GRID2IP: variants seen among roughly 807,000 people sequenced by gnomAD.
GRID2IP encodes delphilin.
Under a neutral mutation model 114.3 loss-of-function variants are expected in GRID2IP, and 78 were observed. That is an observed-to-expected ratio of 0.68 (90% confidence interval 0.57 to 0.82). GRID2IP has a LOEUF of 0.82. GRID2IP is among the 40% of genes least tolerant of loss of function. The pLI is 0.00. For missense variants in GRID2IP, 1,727 were observed against 1,678.5 expected (o/e 1.03, Z -0.51); for synonymous variants, 809 against 724.0 (o/e 1.12, Z -1.89).
chr7:6,505,855 T>G lies in GRID2IP; in HGVS notation c.2597A>C (p.Asp866Ala). The change falls in exon 14 of 22, where the codon GAC becomes GCC. Residue 866 changes from aspartate to alanine, a missense_variant. Transcript: ENST00000457091. ...CTGGGTGCCGAAGTGGAGCTCCAGG[T>G]CGAGGTATTTCACCATGTCACTCAG... is the stretch of plus-strand genomic sequence containing the variant. ...DKLSDMVKYL[D>A]LELHFGTQKP... 1 of 1,552,106 alleles carries G rather than the reference T, an allele frequency of 6.4e-7. No homozygotes were observed. Among genetic ancestry groups the G allele is most frequent in the Non-Finnish European group, 8.7e-7 (1 of 1,147,052 alleles).
rs1192082551 is a variant in GRID2IP at position 6,521,421 on chromosome 7, G to A, written c.1084+8C>T. On this transcript the variant is annotated splice_region_variant and intron_variant, in intron 6 of 21. Coordinates refer to ENST00000457091, the MANE Select transcript of GRID2IP (RefSeq NM_001145118.2). The surrounding 1 kb of genome is among the most constrained non-coding windows in gnomAD (Gnocchi z 4.1). ...GCCAAGGAAGCCAAGTGTCCATGGG[G>A]GTCTCACCACTGGCAAATGGGACGA... The A allele has an allele frequency of 6.5e-7, 1 of 1,533,894 alleles. No homozygotes were observed.
intron 2 of GRID2IP, among the ~76,000 whole-genome samples, chr7:6,533,447 T>C (rs1779669440): frequency 6.6e-6 from 1 of 152,046 alleles, no homozygotes; most frequent in Non-Finnish European, 1.5e-5. Context: ...CAGCCTCAAA[T>C]TCCTGGGCTT....
chr7:6,550,954 C>A lies in GRID2IP; in HGVS notation c.429+54G>T, dbSNP rs1779964395. On this transcript the variant is annotated intron_variant, in intron 1 of 21. Transcript: ENST00000457091. ...AGAGCGGCGCCCGGCCCACTCCCTG[C>A]CCACATTATGAGCCCCCTCCTTCCC... 5.8e-6 allele frequency: 7 copies of A among 1,199,378 alleles called. No individual in the cohort carries two copies. In the Admixed American group the frequency reaches 1.3e-4, roughly 23 times the overall value. 74.3% of individuals were successfully genotyped at this position (1,199,378 alleles called of 1,614,324 possible).
intron 2 of GRID2IP, among the ~76,000 whole-genome samples, chr7:6,529,169 G>A (rs561427161): frequency 5.7e-4 from 86 of 151,342 alleles, no homozygotes; most frequent in African/African-American, 2.0e-3. Context: ...AGGCCCTGTC[G>A]TCCGGGCGCG....
chr7:6,538,458 T>C (rs1454739136), intron 2 of GRID2IP, among the ~76,000 whole-genome samples: 3 of 150,506 alleles, frequency 2.0e-5, no homozygotes, highest in Non-Finnish European at 4.4e-5. Context: ...TCCACACACT[T>C]TGGGAAGCTG....
At chr7:6,542,193 T>C (rs1779823141) in intron 1 of GRID2IP, among the ~76,000 whole-genome samples, 1 of 149,982 alleles carries the variant, frequency 6.7e-6, no homozygotes. Flanking sequence ...TCATCCCAGC[T>C]ACTCGGGAGG....
In GRID2IP at chr7:6,503,543, G is replaced by C; in HGVS notation, c.2855C>G (p.Ala952Gly). Residue 952 changes from alanine to glycine, a missense_variant, in exon 16 of 22, where the codon GCC becomes GGC. By Grantham distance (60) the Ala-to-Gly change is moderately conservative. Transcript: ENST00000457091. ...PDADEEQRYQ[A>G]FREAPGRLSE... Reference sequence around the variant, plus strand: ...GAGGCGGCCGGGCGCCTCGCGGAAGGCCTGGTAGCGCTGCTCCTCGTCGGC... The same window carrying C: ...GAGGCGGCCGGGCGCCTCGCGGAAGCCCTGGTAGCGCTGCTCCTCGTCGGC... 1 of 1,528,550 alleles carries C rather than the reference G, an allele frequency of 6.5e-7. No individual in the cohort carries two copies. The highest frequency in any genetic ancestry group is 8.7e-7 in the Non-Finnish European group (1 of 1,144,110). 94.7% of individuals were successfully genotyped at this position (1,528,550 alleles called of 1,614,324 possible). A position where few individuals can be genotyped will look rare whatever the true frequency, so the allele number is the denominator to read the frequency against.
Position 6,506,488 on chromosome 7 carries a change from G to A in GRID2IP, c.2545-581C>T, listed in dbSNP as rs971023397. ...CAGGGGAATGAAGTCTTAGAACATGGCTGCAGGGCAGGGACACTGAGGATG... is the reference window on the plus strand; with the variant it reads ...CAGGGGAATGAAGTCTTAGAACATGACTGCAGGGCAGGGACACTGAGGATG... On this transcript the variant is annotated intron_variant, in intron 13 of 21. Transcript: ENST00000457091. This position sits in a 1 kb window ranked among gnomAD's most constrained non-coding sequence, Gnocchi z 5.2. Among the ~76,000 whole-genome samples the A allele has an allele frequency of 6.6e-6, 1 of 152,194 alleles. No homozygotes were observed. Among genetic ancestry groups the A allele is most frequent in the Admixed American group, 6.5e-5 (1 of 15,276 alleles).
chr7:6,508,919 G>A lies in GRID2IP; in HGVS notation c.2127+39C>T, dbSNP rs554863279. 32 of 1,525,308 alleles carry A rather than the reference G, an allele frequency of 2.1e-5. No individual in the cohort carries two copies. Among genetic ancestry groups the A allele is most frequent in the South Asian group, 6.1e-5 (5 of 81,308 alleles). 94.5% of individuals were successfully genotyped at this position (1,525,308 alleles called of 1,614,324 possible). A position where few individuals can be genotyped will look rare whatever the true frequency, so the allele number is the denominator to read the frequency against. On this transcript the variant is annotated intron_variant, in intron 12 of 21. Transcript: ENST00000457091. This position sits in a 1 kb window ranked among gnomAD's most constrained non-coding sequence, Gnocchi z 5.6. The stretch of plus-strand genomic sequence containing the variant: ...GTTGCCTTGCAGACCGCCACACCTC[G>A]CCTCACCCGCCTCCCTCCACACCTG...
Position 6,528,846 on chromosome 7 carries a change from G to A in GRID2IP, c.585-2077C>T, listed in dbSNP as rs566223330. Among the ~76,000 whole-genome samples the A allele has an allele frequency of 1.1e-4, 16 of 152,200 alleles. No homozygotes were observed. Among genetic ancestry groups the A allele is most frequent in the Admixed American group, 2.6e-4 (4 of 15,286 alleles). On this transcript the variant is annotated intron_variant, in intron 2 of 21. Transcript: ENST00000457091. The surrounding 1 kb of genome is among the most constrained non-coding windows in gnomAD (Gnocchi z 6.0). ...ATGAATGTCCTGCTCACCTCTGCCC[G>A]GTGCCCATTCCCATCCACCTGCAAT... is the stretch of plus-strand genomic sequence containing the variant.
At position 6,520,428 on chromosome 7, in the gene GRID2IP, C is replaced by G; in HGVS notation, c.1268+150G>C. The G allele has an allele frequency of 5.8e-6, 5 of 862,716 alleles. No individual in the cohort carries two copies. The South Asian group carries it at 9.2e-5, about 16-fold the overall frequency. The allele number at this position is 862,716 out of a possible 1,614,324, so 53.4% of individuals were successfully genotyped here. A position where few individuals can be genotyped will look rare whatever the true frequency, so the allele number is the denominator to read the frequency against. ...CAGGGCAGCTCAATTGCCCACCACC[C>G]TGGGGCCCCTGATACCAGCAGCCAC... On this transcript the variant is annotated intron_variant, in intron 7 of 21. Coordinates refer to ENST00000457091, the MANE Select transcript of GRID2IP (RefSeq NM_001145118.2). The surrounding 1 kb of genome is among the most constrained non-coding windows in gnomAD (Gnocchi z 4.6).
intron 1 of GRID2IP, 32 bp downstream of exon 1, chr7:6,550,976 T>TGACCCCC: frequency 3.0e-6 from 3 of 1,015,786 alleles, no homozygotes; most frequent in Non-Finnish European, 3.7e-6. Flanking sequence ...GCCCCCTCCT[T>TGACCCCC]CCCGCCCCCA....
rs189812051 is a variant in GRID2IP at position 6,499,988 on chromosome 7, C to A, written c.3400-1760G>T. Among the ~76,000 whole-genome samples the A allele has an allele frequency of 2.6e-3, 388 of 152,104 alleles. 2 individuals carry two copies. The highest frequency in any genetic ancestry group is 0.017 in the Middle Eastern group (5 of 294). On this transcript the variant is annotated intron_variant, in intron 20 of 21. Transcript: ENST00000457091. ...TCAAGCAATCTCTCAGCCTTGACCTCCCAAAGTGCTGGGATTACAGGCATG... is the reference window on the plus strand; with the variant it reads ...TCAAGCAATCTCTCAGCCTTGACCTACCAAAGTGCTGGGATTACAGGCATG...
rs1223929647 is a variant in GRID2IP, at chr7:6,508,208, G to A, written c.2321C>T (p.Ser774Phe). The A allele has an allele frequency of 6.6e-7, 1 of 1,519,638 alleles. No homozygotes were observed. The highest frequency in any genetic ancestry group is 8.8e-7 in the Non-Finnish European group (1 of 1,133,234). The allele number at this position is 1,519,638 out of a possible 1,614,324, so 94.1% of individuals were successfully genotyped here. Reference sequence around the variant, plus strand: ...CTGAGCAGGGCCCCGGGAACCATCAGAGCTGCGGGAGCTGGGCTTAGCGTC... The same window carrying A: ...CTGAGCAGGGCCCCGGGAACCATCAAAGCTGCGGGAGCTGGGCTTAGCGTC... Reference protein sequence around the residue: ...FHDAKPSSRSSDGSRGPAQAL... With the variant: ...FHDAKPSSRSFDGSRGPAQAL... Residue 774 changes from serine to phenylalanine, a missense_variant, in exon 13 of 22, where the codon TCT becomes TTT. Ser to Phe is a radical substitution (Grantham distance 155, BLOSUM62 -2). Coordinates refer to ENST00000457091, the MANE Select transcript of GRID2IP (RefSeq NM_001145118.2). The surrounding 1 kb of genome is among the most constrained non-coding windows in gnomAD (Gnocchi z 5.6).
Position 6,501,787 on chromosome 7 carries a change from G to A in GRID2IP, c.3393C>T (p.Val1131=). Residue 1131 remains valine (V), a synonymous_variant, in exon 20 of 22, where the codon GTC becomes GTT. Transcript: ENST00000457091. ...CAGGCTGCTCAGAGGATGCCGACAT[G>A]ACCATTGCAAACTTGTCCTCGCTAG... ...SPSSEDKFAM[V]MSSFLETAQP... The A allele has an allele frequency of 1.3e-6, 2 of 1,549,652 alleles. No individual in the cohort carries two copies. The highest frequency in any genetic ancestry group is 1.7e-6 in the Non-Finnish European group (2 of 1,145,604).
chr7:6,510,712 G>T lies in GRID2IP; in HGVS notation c.1556-6C>A. On this transcript the variant is annotated splice_region_variant and splice_polypyrimidine_tract_variant and intron_variant, in intron 9 of 21. Coordinates refer to ENST00000457091, the MANE Select transcript of GRID2IP (RefSeq NM_001145118.2). ...CTCAGGGCACTCGCTGGGACCTACCGGGGAATAATGTCATTACCGTATCTG... is the reference window on the plus strand; with the variant it reads ...CTCAGGGCACTCGCTGGGACCTACCTGGGAATAATGTCATTACCGTATCTG... 6.5e-7 allele frequency: 1 copy of T among 1,547,108 alleles called. No individual in the cohort carries two copies. Among genetic ancestry groups the T allele is most frequent in the Non-Finnish European group, 8.7e-7 (1 of 1,144,350 alleles).
chr7:6,511,530 G>GCCAAA lies in GRID2IP; in HGVS notation c.1424-492_1424-491insTTTGG, dbSNP rs1554275257. Among the ~76,000 whole-genome samples the GCCAAA allele has an allele frequency of 1.5e-3, 227 of 152,046 alleles. 5 individuals are homozygous for GCCAAA. In the South Asian group the frequency reaches 0.025, roughly 16 times the overall value. ...TGGGATTACAGGTGTCCGTCACCAT[G>GCCAAA]CCTGGCTAATTTTTGTATTTTTAGT... is the stretch of plus-strand genomic sequence containing the variant. On this transcript the variant is annotated intron_variant, in intron 8 of 21. Transcript: ENST00000457091.
At chr7:6,517,895 T>G (rs1779340622) in intron 7 of GRID2IP, among the ~76,000 whole-genome samples, 3 of 148,478 alleles carry the variant, frequency 2.0e-5, no homozygotes, top group African/African-American at 7.7e-5. Context: ...AGAGCAAAAC[T>G]CTGCTTCAAA....
chr7:6,550,834 A>T (rs945342535), intron 1 of GRID2IP, among the ~76,000 whole-genome samples, 174 bp downstream of exon 1: 1 of 151,966 alleles, frequency 6.6e-6, no homozygotes, highest in African/African-American at 2.4e-5. Flanking sequence ...TCTCAAAAAA[A>T]AAAAATGCAA....
Sources: allele counts gnomAD v4.1 joint callset (sites outside exome capture counted in the v4.1 genomes callset), GRCh38; gene constraint gnomAD v4.1.1; non-coding constraint Gnocchi (gnomAD v3.1); transcripts MANE v1.5; gene names NCBI Gene and HGNC (gene_info 2026-07-23, HGNC 2026-07-21).